The following GRM7 variants were observed in gnomAD, a reference collection of about 807,000 sequenced individuals.
The protein encoded by GRM7 is metabotropic glutamate receptor 7.
In GRM7, 35 loss-of-function variants were observed where a neutral mutation model predicts 84.5. The observed-to-expected ratio is 0.41, with a 90% CI of 0.32 to 0.55. The LOEUF (loss-of-function observed/expected upper bound fraction) is 0.55. Among genes scored for constraint, GRM7 ranks in the 20% least tolerant of loss-of-function variants. The pLI is 0.19. For synonymous variants in GRM7, 487 were observed against 455.1 expected (o/e 1.07, Z -0.89); for missense variants, 1,003 against 1,194.6 (o/e 0.84, Z 2.36).
intron 1 of GRM7, among the ~76,000 whole-genome samples, chr3:7,133,331 T>A (rs978468225): frequency 7.9e-5 from 12 of 152,336 alleles, no homozygotes; most frequent in Admixed American, 3.3e-4. Flanking sequence ...AGTCCCCAAC[T>A]GTGACAATGT....
chr3:7,127,664 T>C (rs1693446285), intron 1 of GRM7, among the ~76,000 whole-genome samples: 2 of 152,202 alleles, frequency 1.3e-5, no homozygotes, highest in African/African-American at 2.4e-5. Context: ...TAGTTAGTAA[T>C]GTGTGGAGTA....
chr3:7,530,689 G>A (rs1051026928), intron 7 of GRM7, among the ~76,000 whole-genome samples: 1 of 152,110 alleles, frequency 6.6e-6, no homozygotes, highest in Non-Finnish European at 1.5e-5. Context: ...TTTCTCTAAT[G>A]ACCAGTGATG....
chr3:7,326,113 G>A (rs985317138), intron 4 of GRM7, among the ~76,000 whole-genome samples: 2 of 131,694 alleles, frequency 1.5e-5, no homozygotes, highest in African/African-American at 5.8e-5. Context: ...TTTGAAATTA[G>A]ATTTAAGTGA....
At chr3:7,628,482 T>C (rs1275456758) in intron 8 of GRM7, among the ~76,000 whole-genome samples, 2 of 152,354 alleles carry the variant, frequency 1.3e-5, no homozygotes, top group African/African-American at 4.8e-5. Context: ...GATGTAATTA[T>C]TTCAATGTAT....
chr3:7,430,795 A>T (rs1696797104), intron 5 of GRM7, among the ~76,000 whole-genome samples: 2 of 152,226 alleles, frequency 1.3e-5, no homozygotes, highest in African/African-American at 4.8e-5. Flanking sequence ...CAGAAGATAC[A>T]GATAGGGTAT....
intron 7 of GRM7, among the ~76,000 whole-genome samples, chr3:7,521,280 G>A (rs749623417): frequency 5.3e-5 from 8 of 152,260 alleles, no homozygotes; most frequent in Admixed American, 3.3e-4. Flanking sequence ...AGGTAAAACC[G>A]CAGTTCTTGG....
At chr3:7,534,171 G>A (rs887395203) in intron 7 of GRM7, among the ~76,000 whole-genome samples, 2 of 151,868 alleles carry the variant, frequency 1.3e-5, no homozygotes, top group Non-Finnish European at 2.9e-5. Flanking sequence ...ACACCACCAC[G>A]CCTGGCTAAT....
intron 8 of GRM7, among the ~76,000 whole-genome samples, chr3:7,660,020 A>C (rs1699367448): frequency 6.6e-6 from 1 of 152,256 alleles, no homozygotes; most frequent in African/African-American, 2.4e-5. Context: ...TCTGTTTACC[A>C]AGACAGAATA....
chr3:7,135,757 A>C (rs4263282), intron 1 of GRM7, among the ~76,000 whole-genome samples: 4,358 of 152,262 alleles, frequency 0.029, 162 homozygotes, highest in African/African-American at 0.087. Context: ...TAATACAAAA[A>C]GGGAGGAAGT....
At chr3:7,296,443 T>C (rs1399320437) in intron 2 of GRM7, among the ~76,000 whole-genome samples, 3 of 152,048 alleles carry the variant, frequency 2.0e-5, no homozygotes, top group Admixed American at 2.0e-4. Context: ...CTGGAAGAGA[T>C]TGTGTAGATC....
At chr3:7,069,059 T>TA (rs1697769988) in intron 1 of GRM7, among the ~76,000 whole-genome samples, 2 of 149,304 alleles carry the variant, frequency 1.3e-5, no homozygotes, top group South Asian at 2.1e-4. Context: ...ATACATAATT[T>TA]TATATATATA....
intron 1 of GRM7, among the ~76,000 whole-genome samples, chr3:6,922,289 G>A (rs770955593): frequency 3.9e-5 from 6 of 152,200 alleles, no homozygotes; most frequent in South Asian, 2.1e-4. Flanking sequence ...CCAGGAAGAC[G>A]CTTGAAATGC....
chr3:7,669,498 T>A (rs142237533), intron 8 of GRM7, among the ~76,000 whole-genome samples: 4 of 152,130 alleles, frequency 2.6e-5, no homozygotes, highest in African/African-American at 9.7e-5. Flanking sequence ...ATTATCTTCA[T>A]CCAAAGTGTG....
At chr3:7,168,450 C>T (rs2125085931) in intron 2 of GRM7, among the ~76,000 whole-genome samples, 1 of 152,184 alleles carries the variant, frequency 6.6e-6, no homozygotes, top group South Asian at 2.1e-4. Context: ...TAACAAGAAA[C>T]AGGAGAGATC....
chr3:7,514,147 A>G (rs1260953072), intron 7 of GRM7, among the ~76,000 whole-genome samples: 1 of 152,268 alleles, frequency 6.6e-6, no homozygotes, highest in Non-Finnish European at 1.5e-5. Context: ...GAACTCAGAC[A>G]TTGACTACTA....
intron 2 of GRM7, among the ~76,000 whole-genome samples, chr3:7,241,165 T>C (rs1381970088): frequency 2.0e-5 from 3 of 152,186 alleles, no homozygotes; most frequent in African/African-American, 7.2e-5. Flanking sequence ...TAACCTCTCC[T>C]TGCTTGACCT....
At chr3:7,437,836 G>T (rs1304492738) in intron 5 of GRM7, among the ~76,000 whole-genome samples, 1 of 152,066 alleles carries the variant, frequency 6.6e-6, no homozygotes, top group Non-Finnish European at 1.5e-5. Context: ...TGTACAGAGA[G>T]ACCAAACTTT....
At chr3:7,547,206 T>G (rs1241941058) in intron 7 of GRM7, among the ~76,000 whole-genome samples, 3 of 135,892 alleles carry the variant, frequency 2.2e-5, no homozygotes, top group African/African-American at 2.8e-5. Context: ...TTTTTTTTTT[T>G]TTTTTTTTTT....
chr3:7,558,051 A>G (rs1393211599), intron 7 of GRM7, among the ~76,000 whole-genome samples: 1 of 141,414 alleles, frequency 7.1e-6, no homozygotes, highest in African/African-American at 2.5e-5. Flanking sequence ...AAACATGTAT[A>G]GAAAACTGGT....
Sources: allele counts gnomAD v4.1 joint callset (sites outside exome capture counted in the v4.1 genomes callset), GRCh38; gene constraint gnomAD v4.1.1; transcripts MANE v1.5; gene names NCBI Gene and HGNC (gene_info 2026-07-23, HGNC 2026-07-21).